The following DIS3L2 variants were observed in gnomAD, a reference collection of about 807,000 sequenced individuals.
DIS3L2 encodes DIS3-like exonuclease 2.
Under a neutral mutation model 97.5 loss-of-function variants are expected in DIS3L2, and 34 were observed. That is an observed-to-expected ratio of 0.35 (90% confidence interval 0.27 to 0.46). The LOEUF (loss-of-function observed/expected upper bound fraction) is 0.46, where lower values mean the gene tolerates loss of function less well. DIS3L2 is among the 20% of genes least tolerant of loss of function. The pLI is 1.00. For synonymous variants in DIS3L2, 435 were observed against 445.2 expected, an observed-to-expected ratio of 0.98 and a Z score of 0.29; for missense variants, 1,038 against 1,146.0, an observed-to-expected ratio of 0.91 and a Z score of 1.36.
chr2:232,255,100 G>C (rs563239068), intron 12 of DIS3L2, among the ~76,000 whole-genome samples: 1 of 152,332 alleles, frequency 6.6e-6, no homozygotes, highest in African/African-American at 2.4e-5. Flanking sequence ...CACTGGCAAG[G>C]AAAGCTTGAG....
intron 13 of DIS3L2, among the ~76,000 whole-genome samples, chr2:232,297,318 C>T (rs1184081699): frequency 6.6e-6 from 1 of 152,222 alleles, no homozygotes; most frequent in East Asian, 1.9e-4. Flanking sequence ...AGCTCATCTC[C>T]CTTGCATGCC....
At chr2:232,341,311 C>G (rs1696098068), downstream of DIS3L2, among the ~76,000 whole-genome samples, 2 of 152,190 alleles carry the variant, frequency 1.3e-5, no homozygotes, top group Admixed American at 6.5e-5. Context: ...GGACGTCCCA[C>G]CCAGGGCAGC....
chr2:232,148,748 CTTTTTT>C (rs34837114), intron 8 of DIS3L2, among the ~76,000 whole-genome samples: 3,495 of 98,918 alleles, frequency 0.035, 58 homozygotes, highest in Non-Finnish European at 0.046. Flanking sequence ...AATTTTCTTT[CTTTTTT>C]TTTTTTTTTT....
At chr2:231,975,240 T>A (rs961933220) in intron 1 of DIS3L2, among the ~76,000 whole-genome samples, 1 of 152,114 alleles carries the variant, frequency 6.6e-6, no homozygotes, top group Non-Finnish European at 1.5e-5. Flanking sequence ...GGGGACTCTG[T>A]GCAAAATAAT....
chr2:232,197,913 G>A (rs911923816), intron 9 of DIS3L2, among the ~76,000 whole-genome samples: 3 of 151,506 alleles, frequency 2.0e-5, no homozygotes, highest in Admixed American at 6.6e-5. Context: ...TGCAGTGAGC[G>A]GAGACCGCAC....
chr2:232,336,509 C>T lies in DIS3L2; in HGVS notation c.2537C>T (p.Ala846Val), dbSNP rs750551409. 15 of 1,611,118 alleles carry T rather than the reference C, an allele frequency of 9.3e-6. No individual in the cohort carries two copies. The highest frequency in any genetic ancestry group is 1.3e-5 in the African/African-American group (1 of 74,928). ...AGCCTGGTGGAGGTGGTCCTGCAGG[C>T]AGAGTCCACAGCCCTCAAGTACAGC... ...IFSLVEVVLQ[A>V]ESTALKYSAI... Residue 846 changes from alanine to valine, a missense_variant, in exon 21 of 21, where the codon GCA (alanine) becomes GTA (valine). Physicochemically the swap from Ala to Val is moderately conservative, Grantham distance 64 (BLOSUM62 0). Coordinates refer to ENST00000325385, the MANE Select transcript of DIS3L2 (RefSeq NM_152383.5).
At chr2:232,290,024 G>T (rs1559195103) in intron 13 of DIS3L2, among the ~76,000 whole-genome samples, 1 of 152,250 alleles carries the variant, frequency 6.6e-6, no homozygotes, top group Admixed American at 6.5e-5. Flanking sequence ...GTCAGCACTG[G>T]CACTTTCCTG....
chr2:232,042,403 C>A (rs1157734196), intron 5 of DIS3L2, among the ~76,000 whole-genome samples: 1 of 151,572 alleles, frequency 6.6e-6, no homozygotes, highest in Non-Finnish European at 1.5e-5. Context: ...GTTCTCAATT[C>A]CAGTGGAATT....
chr2:231,993,945 C>T (rs949470488), intron 1 of DIS3L2, among the ~76,000 whole-genome samples: 1 of 152,024 alleles, frequency 6.6e-6, no homozygotes, highest in African/African-American at 2.4e-5. Flanking sequence ...AAGAACTCTT[C>T]ACCTAATCGT....
chr2:232,308,545 G>A (rs532590669), intron 14 of DIS3L2, among the ~76,000 whole-genome samples: 1 of 152,344 alleles, frequency 6.6e-6, no homozygotes, highest in East Asian at 1.9e-4. Flanking sequence ...GCCTCTAGAT[G>A]TGTGAGAGAG....
chr2:232,074,647 C>G (rs1349108558), intron 5 of DIS3L2, among the ~76,000 whole-genome samples: 1 of 140,006 alleles, frequency 7.1e-6, no homozygotes, highest in African/African-American at 2.7e-5. Context: ...AGCAGTGACA[C>G]AATCACAGCT....
chr2:232,325,738 A>G lies in DIS3L2; in HGVS notation c.1740-4075A>G, dbSNP rs1274496488. Among the ~76,000 whole-genome samples the G allele has an allele frequency of 6.6e-6, 1 of 152,182 alleles. No homozygotes were observed. The highest frequency in any genetic ancestry group is 1.9e-4 in the East Asian group (1 of 5,182). On this transcript the variant is annotated intron_variant, in intron 14 of 20. Coordinates refer to ENST00000325385, the MANE Select transcript of DIS3L2 (RefSeq NM_152383.5). The surrounding 1 kb of genome is among the most constrained non-coding windows in gnomAD (Gnocchi z 4.6). Reference sequence around the variant, plus strand: ...TGGAAGGTGATGCTGGCTGGCAGCCATTCCCAGCCCCTCGGAAAGCAGTTG... The same window carrying G: ...TGGAAGGTGATGCTGGCTGGCAGCCGTTCCCAGCCCCTCGGAAAGCAGTTG...
chr2:232,110,565 G>A (rs1434725144), intron 6 of DIS3L2, among the ~76,000 whole-genome samples: 3 of 152,172 alleles, frequency 2.0e-5, no homozygotes, highest in African/African-American at 7.2e-5. Flanking sequence ...GATGGAGCTG[G>A]AGGCCATTAT....
chr2:232,217,659 G>A (rs1407361397), intron 10 of DIS3L2, among the ~76,000 whole-genome samples: 3 of 152,154 alleles, frequency 2.0e-5, no homozygotes, highest in East Asian at 1.9e-4. Context: ...TCAGGGAAAC[G>A]CTTAAGTTTA....
At position 232,241,431 on chromosome 2, in the gene DIS3L2, C is replaced by T. The variant is rs79361724; in HGVS notation, c.1317+2786C>T. On this transcript the variant is annotated intron_variant, in intron 11 of 20. Transcript: ENST00000325385. Reference sequence around the variant, plus strand: ...TGATGCCAGAACTGCAATCTTAGCTCCTTATCTAAACTCTAATTGGGGGAT... The same window carrying T: ...TGATGCCAGAACTGCAATCTTAGCTTCTTATCTAAACTCTAATTGGGGGAT... Among the ~76,000 whole-genome samples, 823 of 152,264 alleles carry T rather than the reference C, an allele frequency of 5.4e-3. 5 individuals carry two copies. The highest frequency in any genetic ancestry group is 0.02 in the Middle Eastern group (6 of 294).
intron 3 of DIS3L2, among the ~76,000 whole-genome samples, chr2:232,020,059 G>A (rs1436439315): frequency 1.3e-5 from 2 of 151,946 alleles, no homozygotes; most frequent in Non-Finnish European, 2.9e-5. Context: ...GCAGAAGAAG[G>A]CTTGGTGTTT....
chr2:232,030,802 GC>G (rs1157591399), intron 5 of DIS3L2, among the ~76,000 whole-genome samples: 1 of 151,894 alleles, frequency 6.6e-6, no homozygotes, highest in Non-Finnish European at 1.5e-5. Flanking sequence ...GTTTTATTTG[GC>G]TTTTTTGTTT....
At chr2:232,123,760 T>C (rs1487959) in intron 6 of DIS3L2, among the ~76,000 whole-genome samples, 119,597 of 152,150 alleles carry the variant, frequency 0.79, 47,588 homozygotes, top group African/African-American at 0.89. Flanking sequence ...TGATAAGACA[T>C]TGTAGGTTTG....
chr2:232,306,857 C>T (rs576021517), intron 14 of DIS3L2, among the ~76,000 whole-genome samples: 2 of 152,368 alleles, frequency 1.3e-5, no homozygotes, highest in African/African-American at 4.8e-5. Flanking sequence ...TGCCCTGGCA[C>T]CCTACATGCT....
Sources: allele counts gnomAD v4.1 joint callset (sites outside exome capture counted in the v4.1 genomes callset), GRCh38; gene constraint gnomAD v4.1.1; non-coding constraint Gnocchi (gnomAD v3.1); transcripts MANE v1.5; gene names NCBI Gene and HGNC (gene_info 2026-07-23, HGNC 2026-07-21).